PAX3: variants seen among roughly 807,000 people sequenced by gnomAD.
The protein encoded by PAX3 is paired box 3.
Under a neutral mutation model 51.6 loss-of-function variants are expected in PAX3, and 14 were observed. That is an observed-to-expected ratio of 0.27 (90% CI 0.18 to 0.42). The LOEUF is 0.42. Ranked by LOEUF, PAX3 falls within the 10% of genes least tolerant of loss-of-function variation. The probability of loss-of-function intolerance (pLI) is 1.00; values close to 1 mark genes in which losing one functional copy is unlikely to be tolerated. For missense variants in PAX3, 540 were observed against 642.8 expected (o/e 0.84, Z 1.73); for synonymous variants, 280 against 253.4 (o/e 1.11, Z -1.00).
chr2:222,274,346 T>C (rs1694347746), intron 4 of PAX3, among the ~76,000 whole-genome samples: 1 of 151,954 alleles, frequency 6.6e-6, no homozygotes, highest in African/African-American at 2.4e-5. Context: ...TATATTTATA[T>C]TAATATTAAA....
chr2:222,216,436 T>A (rs1691962269), intron 7 of PAX3, among the ~76,000 whole-genome samples: 1 of 151,964 alleles, frequency 6.6e-6, no homozygotes, highest in Non-Finnish European at 1.5e-5. Context: ...GACATCAGAG[T>A]TTCTAAAGGT....
chr2:222,247,929 A>G lies in PAX3; in HGVS notation c.587-15646T>C, dbSNP rs45509098. On this transcript the variant is annotated intron_variant, in intron 4 of 8. Transcript: ENST00000392070. ...TTTATAACTACTCTGTGAGTTGGAT[A>G]TTATCTTTGTTTTAAAAATGACATT... 2.0e-5 allele frequency among the ~76,000 whole-genome samples: 3 copies of G among 152,110 alleles called. No homozygotes were observed. The South Asian group carries it at 6.2e-4, about 31-fold the overall frequency.
At chr2:222,255,141 G>A (rs1693591925) in intron 4 of PAX3, among the ~76,000 whole-genome samples, 1 of 152,178 alleles carries the variant, frequency 6.6e-6, no homozygotes, top group South Asian at 2.1e-4. Flanking sequence ...AATACAAACT[G>A]AGATTTTGTT....
intron 7 of PAX3, 123 bp downstream of exon 7, chr2:222,220,016 AT>A: frequency 1.2e-6 from 1 of 835,132 alleles, no homozygotes; most frequent in Non-Finnish European, 2.0e-6. Flanking sequence ...AACTGAAATC[AT>A]GTGGCTTCTA....
Position 222,201,933 on chromosome 2 carries a change from C to T in PAX3, c.1420+11G>A, listed in dbSNP as rs374089919. 3.1e-6 allele frequency: 5 copies of T among 1,613,900 alleles called. No individual in the cohort carries two copies. In the African/African-American group the frequency reaches 5.3e-5, roughly 17 times the overall value. On this transcript the variant is annotated intron_variant, in intron 8 of 8. Transcript: ENST00000392070. ...CAGGAGAAATTGCCCCCTAAAAAGT[C>T]CAAGGCTTACTTTGTCCATACTGCC...
At chr2:222,230,585 G>A (rs1353076178) in intron 5 of PAX3, among the ~76,000 whole-genome samples, 2 of 152,008 alleles carry the variant, frequency 1.3e-5, no homozygotes, top group African/African-American at 4.8e-5. Flanking sequence ...GGTTGGGCAT[G>A]GTGGCTCATA....
intron 4 of PAX3, among the ~76,000 whole-genome samples, chr2:222,239,485 TA>T (rs921726694): frequency 1.2e-4 from 18 of 152,220 alleles, no homozygotes; most frequent in African/African-American, 4.3e-4. Context: ...TAATTTATTT[TA>T]AAATTGTATA....
intron 4 of PAX3, chr2:222,265,226 A>G (rs1694000815): frequency 6.6e-6 from 1 of 152,202 alleles, no homozygotes. Flanking sequence ...TTTGCTGTAC[A>G]TGTCTCATAA....
intron 4 of PAX3, among the ~76,000 whole-genome samples, chr2:222,255,917 ATTTTTTTTT>A (rs57757180): frequency 1.5e-3 from 146 of 98,334 alleles, no homozygotes; most frequent in African/African-American, 5.6e-3. Context: ...CGCCCAGCTA[ATTTTTTTTT>A]TTTTTTTTTT....
chr2:222,254,484 G>T (rs1250910115), intron 4 of PAX3, among the ~76,000 whole-genome samples: 7 of 152,100 alleles, frequency 4.6e-5, no homozygotes, highest in Non-Finnish European at 1.0e-4. Context: ...TTGGAAATTT[G>T]GGTTTCCCAC....
At chr2:222,254,340 T>C (rs930274654) in intron 4 of PAX3, among the ~76,000 whole-genome samples, 5 of 152,180 alleles carry the variant, frequency 3.3e-5, no homozygotes, top group African/African-American at 1.2e-4. Flanking sequence ...TATATTTAGA[T>C]TGGTCTCGTT....
chr2:222,288,809 A>G (rs1694925522), intron 4 of PAX3, among the ~76,000 whole-genome samples: 1 of 152,222 alleles, frequency 6.6e-6, no homozygotes, highest in Non-Finnish European at 1.5e-5. Context: ...CTTAAAGAGA[A>G]TTTGGTCAAT....
At chr2:222,221,094 A>C (rs768409203) in intron 6 of PAX3, 128 bp downstream of exon 6, 161 of 895,324 alleles carry the variant, frequency 1.8e-4, no homozygotes, top group Non-Finnish European at 2.9e-4. Flanking sequence ...AGGTACGTTC[A>C]GGACAACCTG....
intron 4 of PAX3, among the ~76,000 whole-genome samples, chr2:222,291,134 C>A (rs1325674060): frequency 6.6e-6 from 1 of 152,168 alleles, no homozygotes; most frequent in African/African-American, 2.4e-5. Flanking sequence ...CCCGCGGGCC[C>A]GCTAGGCCGA....
In PAX3 at chr2:222,294,264, C is replaced by T. The variant is rs966273156; in HGVS notation, c.489G>A (p.Gly163=). 6.2e-7 allele frequency: 1 copy of T among 1,614,226 alleles called. No homozygotes were observed. The highest frequency in any genetic ancestry group is 8.5e-7 in the Non-Finnish European group (1 of 1,180,046). ...AGTCGGCCTCCTCCTCTTCACCTTT[C>T]CCGAATTTACTTCTCAGGATGCGGC... ...SISRILRSKF[G]KGEEEEADLE... The change falls in exon 4 of 9, where the codon GGG becomes GGA. Residue 163 remains glycine, a synonymous_variant. Coordinates refer to ENST00000392070, the MANE Select transcript of PAX3 (RefSeq NM_181458.4).
intron 7 of PAX3, among the ~76,000 whole-genome samples, chr2:222,210,375 C>A (rs1691678644): frequency 6.6e-6 from 1 of 152,158 alleles, no homozygotes; most frequent in African/African-American, 2.4e-5. Context: ...AGCATCACTG[C>A]ATATCAGATT....
At chr2:222,277,370 G>T (rs1694458307) in intron 4 of PAX3, among the ~76,000 whole-genome samples, 1 of 152,140 alleles carries the variant, frequency 6.6e-6, no homozygotes, top group African/African-American at 2.4e-5. Flanking sequence ...AACCTCAAAG[G>T]TGAGATTCCC....
rs745911501 is a variant in PAX3 at position 222,277,932 on chromosome 2, CAAAAAAA to C, written c.586+16228_586+16234del. ...CTGGCAACAGAGCGAGACTCCATCT[CAAAAAAA>C]AAAAAAAAAAATTGAGTTTTTGTGT... On this transcript the variant is annotated intron_variant, in intron 4 of 8. Transcript: ENST00000392070. Among the ~76,000 whole-genome samples, 12 of 90,592 alleles carry C rather than the reference CAAAAAAA, an allele frequency of 1.3e-4. 1 individual carries two copies. In the South Asian group the frequency reaches 4.2e-3, roughly 31 times the overall value. The allele number at this position is 90,592 out of a possible 152,430, so 59.4% of individuals were successfully genotyped here. A position where few individuals can be genotyped will look rare whatever the true frequency, so the allele number is the denominator to read the frequency against.
At chr2:222,208,901 G>A (rs994072105) in intron 7 of PAX3, among the ~76,000 whole-genome samples, 10 of 152,042 alleles carry the variant, frequency 6.6e-5, no homozygotes, top group African/African-American at 1.4e-4. Flanking sequence ...CCTGTAAACC[G>A]AACTTCCATG....
Sources: allele counts gnomAD v4.1 joint callset (sites outside exome capture counted in the v4.1 genomes callset), GRCh38; gene constraint gnomAD v4.1.1; transcripts MANE v1.5; gene names NCBI Gene and HGNC (gene_info 2026-07-23, HGNC 2026-07-21).